MYO15B: variants seen among roughly 807,000 people sequenced by gnomAD.
The protein encoded by MYO15B is myosin XVB pseudogene.
MYO15B carries 207 observed loss-of-function variants against 119.3 expected under a neutral mutation model. That is an observed-to-expected ratio of 1.73 (90% CI 1.55 to 1.95). The LOEUF is 1.95. Ranked by LOEUF, MYO15B falls within the 30% of genes most tolerant of loss-of-function variation. MYO15B has a pLI of 0.00. For missense variants in MYO15B, 2,264 were observed against 1,203.1 expected, an observed-to-expected ratio of 1.88 and a Z score of -13.04; for synonymous variants, 966 against 498.9, an observed-to-expected ratio of 1.94 and a Z score of -12.48.
exon 20 of MYO15B, chr17:75,605,607 C>G (rs756070906): frequency 1.1e-5 from 8 of 702,844 alleles, no homozygotes; most frequent in Admixed American, 2.0e-5. Context: ...TCTCTATCAC[C>G]TTGGAGCCAC....
intron 12 of MYO15B, 140 bp from the exon 13 acceptor site, chr17:75,596,320 C>A (rs1039887951): frequency 1.6e-6 from 1 of 618,528 alleles, no homozygotes; most frequent in Non-Finnish European, 2.9e-6. Context: ...GTGCCGGATC[C>A]TTTAGACTTG....
In MYO15B at chr17:75,610,755, G is replaced by T. The variant is rs1340087117; in HGVS notation, c.4387-145G>T. 3.5e-5 allele frequency: 22 copies of T among 632,980 alleles called. No homozygotes were observed. In the Admixed American group the frequency reaches 4.9e-4, roughly 14 times the overall value. 39.2% of individuals were successfully genotyped at this position (632,980 alleles called of 1,614,324 possible). ...TGGTGAGGGCCCTGGAGGGCCAGGG[G>T]TGGCTGGCCCCTCCTGATCTGTTCT... On this transcript the variant is annotated intron_variant, in intron 22 of 63. Coordinates refer to ENST00000645453, the Ensembl canonical transcript of MYO15B.
intron 30 of MYO15B, 65 bp from the exon 31 acceptor site, chr17:75,614,518 T>C (rs1598866353): frequency 4.0e-6 from 2 of 504,560 alleles, no homozygotes; most frequent in Non-Finnish European, 7.6e-6. Flanking sequence ...AGCTTCTACC[T>C]CTTGCCCCAG....
exon 19 of MYO15B, chr17:75,603,312 G>A: frequency 1.4e-6 from 1 of 703,032 alleles, no homozygotes; most frequent in Non-Finnish European, 2.6e-6. Context: ...TTCCTGGCCA[G>A]GTGGGGCCCA....
At chr17:75,590,366 C>G (rs200802537) in intron 1 of MYO15B, 123 bp downstream of exon 1, 57 of 398,226 alleles carry the variant, frequency 1.4e-4, no homozygotes, top group Non-Finnish European at 2.5e-4. Flanking sequence ...GGCTTGAACC[C>G]TCCTGGCAGG....
At chr17:75,606,971 C>G (rs185065753) in intron 21 of MYO15B, 542 of 398,522 alleles carry the variant, frequency 1.4e-3, no homozygotes, top group Non-Finnish European at 2.0e-3. Flanking sequence ...GTTGGCTGAC[C>G]GTCTGCCTCA....
At chr17:75,625,616 G>A (rs1003182236) in exon 61 of MYO15B, 24 of 702,946 alleles carry the variant, frequency 3.4e-5, no homozygotes, top group African/African-American at 7.0e-5. Context: ...GAGCTGAGAC[G>A]GCTGGAAGGA....
intron 23 of MYO15B, 103 bp downstream of exon 23, chr17:75,611,062 C>T (rs1452283368): frequency 1.4e-6 from 1 of 691,752 alleles, no homozygotes. Flanking sequence ...TCTTGTCCCT[C>T]AGGGCCATGC....
At chr17:75,602,255 T>C in intron 15 of MYO15B, 1 of 571,050 alleles carries the variant, frequency 1.8e-6, no homozygotes, top group Non-Finnish European at 3.1e-6. Context: ...AACATTCTTG[T>C]CTAGTCAACC....
At position 75,589,208 on chromosome 17, in the gene MYO15B, T is replaced by C. The variant is rs569792915; in HGVS notation, c.1151T>C (p.Leu384Pro). 10 of 330,616 alleles carry C rather than the reference T, an allele frequency of 3.0e-5. No individual in the cohort carries two copies. Among genetic ancestry groups the C allele is most frequent in the African/African-American group, 1.1e-4 (4 of 35,998 alleles). The allele number at this position is 330,616 out of a possible 1,614,324, so 20.5% of individuals were successfully genotyped here. Residue 384 changes from leucine to proline, a missense_variant, in exon 1 of 64, where the codon CTG (leucine) becomes CCG (proline). By Grantham distance (98) the Leu-to-Pro change is moderately conservative. Coordinates refer to ENST00000645453, the Ensembl canonical transcript of MYO15B. This position sits in a 1 kb window ranked among gnomAD's most constrained non-coding sequence, Gnocchi z 4.2. Reference sequence around the variant, plus strand: ...CTCCTGCGCTGGCTGCGGCGGCGGCTGCGGCTGCGGCGGCGGCCGCCAGAG... The same window carrying C: ...CTCCTGCGCTGGCTGCGGCGGCGGCCGCGGCTGCGGCGGCGGCCGCCAGAG...
At position 75,621,331 on chromosome 17, in the gene MYO15B, T is replaced by A; in HGVS notation, c.7872-14T>A. On this transcript the variant is annotated splice_polypyrimidine_tract_variant and intron_variant, in intron 50 of 63. Coordinates refer to ENST00000645453, the Ensembl canonical transcript of MYO15B. ...GGCCAAACAAGCTGGGCTGTCTCCC[T>A]CTGCCCCCCACAGGCTGGGCCAGAC... is the stretch of plus-strand genomic sequence containing the variant. 1.4e-6 allele frequency: 1 copy of A among 695,082 alleles called. No individual in the cohort carries two copies. The highest frequency in any genetic ancestry group is 1.7e-5 in the African/African-American group (1 of 57,222). The allele number at this position is 695,082 out of a possible 1,614,324, so 43.1% of individuals were successfully genotyped here. A position where few individuals can be genotyped will look rare whatever the true frequency, so the allele number is the denominator to read the frequency against.
chr17:75,614,189 T>G lies in MYO15B; in HGVS notation c.5220-10T>G, dbSNP rs1286117966. 1.4e-6 allele frequency: 1 copy of G among 698,344 alleles called. No individual in the cohort carries two copies. Among genetic ancestry groups the G allele is most frequent in the Admixed American group, 2.0e-5 (1 of 49,866 alleles). 43.3% of individuals were successfully genotyped at this position (698,344 alleles called of 1,614,324 possible). On this transcript the variant is annotated splice_polypyrimidine_tract_variant and intron_variant, in intron 29 of 63. Transcript: ENST00000645453. ...CCGCCTGCCTCACTGACTGGTCCCC[T>G]CCCACCCAGAGGCCTGGAGGCGCCT...
chr17:75,624,636 A>G, exon 58 of MYO15B: 1 of 702,754 alleles, frequency 1.4e-6, no homozygotes, highest in Non-Finnish European at 2.6e-6. Context: ...CATCAAAGAG[A>G]AGAGTAAGCT....
chr17:75,624,211 C>G (rs900106648), exon 56 of MYO15B: 1 of 702,796 alleles, frequency 1.4e-6, no homozygotes, highest in Non-Finnish European at 2.6e-6. Context: ...CTCCAGCGCA[C>G]AGTCAAATAT....
At chr17:75,600,875 T>C (rs1661693) in intron 14 of MYO15B, among the ~76,000 whole-genome samples, 142,299 of 150,224 alleles carry the variant, frequency 0.95, 67,420 homozygotes, top group Admixed American at 0.96. Flanking sequence ...CATGAGCCAC[T>C]GCGCCTAGCC....
chr17:75,604,539 C>T, intron 19 of MYO15B, among the ~76,000 whole-genome samples: 1 of 138,874 alleles, frequency 7.2e-6, no homozygotes, highest in Non-Finnish European at 1.6e-5. Flanking sequence ...CCCTCCCTTC[C>T]ACACCCCTCC....
intron 3 of MYO15B, 46 bp downstream of exon 3, chr17:75,591,062 C>T (rs1234660039): frequency 3.0e-6 from 2 of 675,366 alleles, no homozygotes; most frequent in East Asian, 2.7e-5. Context: ...TCCCAGGCAG[C>T]CCAGTCCCTG....
intron 9 of MYO15B, among the ~76,000 whole-genome samples, chr17:75,594,244 G>T (rs59738204): frequency 6.6e-6 from 1 of 152,112 alleles, no homozygotes; most frequent in Non-Finnish European, 1.5e-5. Flanking sequence ...GCCGTGGGGC[G>T]CAGGAAGGAA....
chr17:75,589,603 G>C lies in MYO15B; in HGVS notation c.1546G>C (p.Gly516Arg). 2.5e-6 allele frequency: 1 copy of C among 398,848 alleles called. No individual in the cohort carries two copies. Among genetic ancestry groups the C allele is most frequent in the Non-Finnish European group, 4.4e-6 (1 of 226,080 alleles). 24.7% of individuals were successfully genotyped at this position (398,848 alleles called of 1,614,324 possible). Residue 516 changes from glycine to arginine, a missense_variant, in exon 1 of 64, where the codon GGT (glycine) becomes CGT (arginine). Transcript: ENST00000645453. This position sits in a 1 kb window ranked among gnomAD's most constrained non-coding sequence, Gnocchi z 4.2. Reference sequence around the variant, plus strand: ...GGGGGGTATGCCGAGGGCTTCCCCTGGTGGCCGCTCCCCGCAGGTCCCGAC... The same window carrying C: ...GGGGGGTATGCCGAGGGCTTCCCCTCGTGGCCGCTCCCCGCAGGTCCCGAC...
Sources: allele counts gnomAD v4.1 joint callset (sites outside exome capture counted in the v4.1 genomes callset), GRCh38; gene constraint gnomAD v4.1.1; non-coding constraint Gnocchi (gnomAD v3.1); transcripts MANE v1.5; gene names NCBI Gene and HGNC (gene_info 2026-07-23, HGNC 2026-07-21).